The following INPP5A variants were observed in gnomAD, a reference collection of about 807,000 sequenced individuals.
The protein encoded by INPP5A is inositol polyphosphate-5-phosphatase A.
INPP5A carries 14 observed loss-of-function variants against 65.2 expected under a neutral mutation model. The observed-to-expected ratio is 0.21, with a 90% CI of 0.14 to 0.34. INPP5A has a LOEUF of 0.34. INPP5A is among the 10% of genes least tolerant of loss of function. The pLI, the probability that INPP5A is intolerant of heterozygous loss-of-function variation, is 1.00. For missense variants in INPP5A, 431 were observed against 545.6 expected, an observed-to-expected ratio of 0.79 and a Z score of 2.09; for synonymous variants, 207 against 208.3, an observed-to-expected ratio of 0.99 and a Z score of 0.05.
intron 1 of INPP5A, among the ~76,000 whole-genome samples, chr10:132,581,259 A>G (rs1262620829): frequency 2.0e-5 from 3 of 152,176 alleles, no homozygotes; most frequent in African/African-American, 4.8e-5. Flanking sequence ...TAGCACATTT[A>G]GCTGTTCTCC....
At chr10:132,592,455 G>T (rs1208357292) in intron 1 of INPP5A, among the ~76,000 whole-genome samples, 2 of 152,200 alleles carry the variant, frequency 1.3e-5, no homozygotes, top group Non-Finnish European at 2.9e-5. Context: ...TTGCTCTGTG[G>T]CCCAGGCTGG....
rs567901264 is a variant in INPP5A at position 132,708,720 on chromosome 10, C to T, written c.527+355C>T. 4.8e-4 allele frequency among the ~76,000 whole-genome samples: 73 copies of T among 152,322 alleles called. 1 individual carries two copies. Among genetic ancestry groups the T allele is most frequent in the African/African-American group, 1.6e-3 (65 of 41,580 alleles). On this transcript the variant is annotated intron_variant, in intron 7 of 15. Transcript: ENST00000368594. ...GCCCTGTGGCTGCCCAGTGAGACGG[C>T]GTAAGCGCTGCCTGGCAGCCTGGTC...
At chr10:132,668,611 T>C (rs1036264386) in intron 4 of INPP5A, among the ~76,000 whole-genome samples, 11 of 152,230 alleles carry the variant, frequency 7.2e-5, no homozygotes, top group African/African-American at 2.7e-4. Flanking sequence ...AATTAAAGCA[T>C]GATCAGGGAA....
chr10:132,566,983 A>T (rs2071281600), intron 1 of INPP5A, among the ~76,000 whole-genome samples: 1 of 152,242 alleles, frequency 6.6e-6, no homozygotes, highest in African/African-American at 2.4e-5. Flanking sequence ...ACTGTTGCTA[A>T]TCTTGAGCTC....
At chr10:132,540,730 TC>T (rs1367473434) in intron 1 of INPP5A, among the ~76,000 whole-genome samples, 1 of 152,226 alleles carries the variant, frequency 6.6e-6, no homozygotes, top group Admixed American at 6.5e-5. Context: ...GTGCAGCCCG[TC>T]CCGTGCTGAC....
intron 1 of INPP5A, among the ~76,000 whole-genome samples, chr10:132,558,880 G>C (rs2071163112): frequency 6.6e-6 from 1 of 152,208 alleles, no homozygotes; most frequent in Non-Finnish European, 1.5e-5. Flanking sequence ...TGCAGCCTCC[G>C]GGGCCATGGG....
rs1564986815 is a variant in INPP5A at position 132,727,804 on chromosome 10, G to GGATGGGGACACGGTAAGTCT, written c.732+913_732+914insAAGTCTGATGGGGACACGGT. Among the ~76,000 whole-genome samples the GGATGGGGACACGGTAAGTCT allele has an allele frequency of 6.6e-6, 1 of 152,028 alleles. No homozygotes were observed. The highest frequency in any genetic ancestry group is 2.4e-5 in the African/African-American group (1 of 41,356). ...GAGTCAGATGGGGACACGGTAAGTC[G>GGATGGGGACACGGTAAGTCT]GATGGGGACACGGTGAGTCAGATGG... On this transcript the variant is annotated intron_variant, in intron 9 of 15. Transcript: ENST00000368594. The surrounding 1 kb of genome is among the most constrained non-coding windows in gnomAD (Gnocchi z 6.5).
intron 1 of INPP5A, among the ~76,000 whole-genome samples, chr10:132,601,174 A>G (rs144048567): frequency 6.6e-6 from 1 of 152,354 alleles, no homozygotes; most frequent in Non-Finnish European, 1.5e-5. Flanking sequence ...AATGTTTTGT[A>G]TAATATCCAT....
intron 2 of INPP5A, among the ~76,000 whole-genome samples, chr10:132,621,784 CTTT>C (rs566285891): frequency 7.3e-6 from 1 of 136,174 alleles, no homozygotes; most frequent in Non-Finnish European, 1.6e-5. Context: ...GGGGGTATGT[CTTT>C]TTTTTTTTTT....
At chr10:132,597,759 G>A (rs528239350) in intron 1 of INPP5A, among the ~76,000 whole-genome samples, 175 of 150,084 alleles carry the variant, frequency 1.2e-3, no homozygotes, top group African/African-American at 3.7e-3. Flanking sequence ...GCTGTGCTAC[G>A]TGTAGTGACC....
chr10:132,714,865 G>A (rs546037741), intron 8 of INPP5A, among the ~76,000 whole-genome samples: 1 of 152,332 alleles, frequency 6.6e-6, no homozygotes, highest in South Asian at 2.1e-4. Context: ...TTACTTTTTT[G>A]TGTGTAATTT....
At chr10:132,542,781 A>G (rs569963640) in intron 1 of INPP5A, among the ~76,000 whole-genome samples, 4 of 152,120 alleles carry the variant, frequency 2.6e-5, no homozygotes, top group Non-Finnish European at 5.9e-5. Context: ...TTCGCACACC[A>G]TGCCCCTCAC....
rs902548733 is a variant in INPP5A at position 132,575,026 on chromosome 10, T to C, written c.76-32889T>C. On this transcript the variant is annotated intron_variant, in intron 1 of 15. Coordinates refer to ENST00000368594, the MANE Select transcript of INPP5A (RefSeq NM_005539.5). The surrounding 1 kb of genome is among the most constrained non-coding windows in gnomAD (Gnocchi z 5.4). ...GAAACGCAAAGCACACCTCAGCATA[T>C]GGTCTGCGGAGTCCTCCCGGGGGCT... is the stretch of plus-strand genomic sequence containing the variant. 9.2e-5 allele frequency among the ~76,000 whole-genome samples: 14 copies of C among 152,102 alleles called. No homozygotes were observed. The highest frequency in any genetic ancestry group is 1.3e-4 in the Non-Finnish European group (9 of 68,008).
intron 2 of INPP5A, among the ~76,000 whole-genome samples, chr10:132,611,768 A>AGGGAGGTC (rs2071955874): frequency 7.6e-6 from 1 of 131,192 alleles, no homozygotes; most frequent in African/African-American, 3.0e-5. Context: ...CTGTCAGAGG[A>AGGGAGGTC]GGGTGAGGGA....
chr10:132,557,334 GCTCCTGCAGCAGTGCC>G (rs1388202256), intron 1 of INPP5A, among the ~76,000 whole-genome samples: 1 of 152,260 alleles, frequency 6.6e-6, no homozygotes, highest in Non-Finnish European at 1.5e-5. Flanking sequence ...GCAGATGTGG[GCTCCTGCAGCAGTGCC>G]CTCCTGCAGC....
chr10:132,600,495 A>C (rs1408794232), intron 1 of INPP5A, among the ~76,000 whole-genome samples: 1 of 152,212 alleles, frequency 6.6e-6, no homozygotes, highest in African/African-American at 2.4e-5. Context: ...AGTCTCCAGG[A>C]AGTTCCAAAC....
chr10:132,769,807 C>CA (rs869255686), intron 12 of INPP5A, among the ~76,000 whole-genome samples: 38 of 142,130 alleles, frequency 2.7e-4, no homozygotes, highest in African/African-American at 8.8e-4. Context: ...AGCTCCCCCC[C>CA]CCCAAGTTCC....
intron 6 of INPP5A, among the ~76,000 whole-genome samples, chr10:132,699,508 C>T (rs938844452): frequency 1.3e-5 from 2 of 152,168 alleles, no homozygotes; most frequent in Non-Finnish European, 2.9e-5. Flanking sequence ...TGTCCAGGGC[C>T]GTGGCCGGAC....
At chr10:132,567,198 T>A (rs1346337790) in intron 1 of INPP5A, among the ~76,000 whole-genome samples, 5 of 152,244 alleles carry the variant, frequency 3.3e-5, no homozygotes, top group African/African-American at 1.2e-4. Flanking sequence ...ACCGTCCTTC[T>A]CAGATGCCAC....
Sources: gnomAD v4.1 joint callset for allele counts (sites outside exome capture counted in the v4.1 genomes callset) on GRCh38, gnomAD v4.1.1 for gene constraint, Gnocchi (gnomAD v3.1) non-coding constraint, MANE v1.5 for transcripts, NCBI Gene and HGNC (gene_info 2026-07-23, HGNC 2026-07-21) for gene names.